AP1G2: variants seen among roughly 807,000 people sequenced by gnomAD.
The protein encoded by AP1G2 is adaptor related protein complex 1 subunit gamma 2, also known as AP-1 complex subunit gamma-like 2.
A neutral mutation model predicts 95.8 loss-of-function variants in AP1G2; 85 were observed. That is an observed-to-expected ratio of 0.89 (90% CI 0.74 to 1.06). The LOEUF is 1.06. Among genes scored for constraint, AP1G2 ranks in the 50% least tolerant of loss-of-function variants. The pLI, the probability that AP1G2 is intolerant of heterozygous loss-of-function variation, is 0.00. For missense variants in AP1G2, 967 were observed against 1,005.8 expected (o/e 0.96, Z 0.52); for synonymous variants, 378 against 400.0 (o/e 0.94, Z 0.66).
chr14:23,563,345 G>A (rs1357135395), intron 14 of AP1G2, 35 bp downstream of exon 14: 2 of 1,560,572 alleles, frequency 1.3e-6, no homozygotes, highest in Non-Finnish European at 8.7e-7. Flanking sequence ...GGGAGTGGTT[G>A]GGCAGCCCTG....
chr14:23,563,080 A>G, intron 14 of AP1G2: 1 of 1,303,576 alleles, frequency 7.7e-7, no homozygotes, highest in Admixed American at 3.7e-5. Flanking sequence ...TCAGCATTCA[A>G]GGTAATAATA....
rs748934676 is a variant in AP1G2 at position 23,562,285 on chromosome 14, T to C, written c.1628+3A>G. On this transcript the variant is annotated splice_donor_region_variant and intron_variant, in intron 16 of 21. Coordinates refer to ENST00000397120, the MANE Select transcript of AP1G2 (RefSeq NM_003917.5). Reference sequence around the variant, plus strand: ...CTCTCAAGGGGCTGGGACCCCTTCTTACTTGTTGTCCCCACAGAGGCGAGT... The same window carrying C: ...CTCTCAAGGGGCTGGGACCCCTTCTCACTTGTTGTCCCCACAGAGGCGAGT... The C allele has an allele frequency of 1.9e-6, 3 of 1,613,864 alleles. No homozygotes were observed. The highest frequency in any genetic ancestry group is 2.5e-6 in the Non-Finnish European group (3 of 1,179,788).
rs749414403 is a variant in AP1G2, at chr14:23,566,047, G to C, written c.568+17C>G. The C allele has an allele frequency of 6.2e-7, 1 of 1,614,146 alleles. No homozygotes were observed. The highest frequency in any genetic ancestry group is 1.7e-5 in the Admixed American group (1 of 60,030). On this transcript the variant is annotated intron_variant, in intron 5 of 21. Transcript: ENST00000397120. ...CCATAGACCTGAAGCAAAGGATGGG[G>C]GGCCCCACAGCCTTACCATGGTGAC...
intron 5 of AP1G2, 47 bp from the exon 6 acceptor site, chr14:23,565,939 G>A (rs1188987744): frequency 6.2e-7 from 1 of 1,603,594 alleles, no homozygotes; most frequent in Non-Finnish European, 8.5e-7. Flanking sequence ...AGGGGCAAGA[G>A]AGTCTATTGC....
intron 8 of AP1G2, 130 bp downstream of exon 8, chr14:23,564,989 G>C: frequency 1.2e-6 from 1 of 866,228 alleles, no homozygotes; most frequent in Non-Finnish European, 1.9e-6. Flanking sequence ...CTTCTTCATG[G>C]AGTTCACTGT....
chr14:23,559,749 T>C lies in AP1G2; in HGVS notation c.2358A>G (p.Ter786=), dbSNP rs1883122288. ...AATTTCAGGCTGTGAGTGGAGACAG[T>C]TACTGCCACGATTCCACAGGCAAGT... ...VNNLPVESWQ[*] is the part of the protein sequence containing the mutation. Residue 786 remains the stop codon, a stop_retained_variant, in exon 22 of 22, where the codon TAA becomes TAG. Transcript: ENST00000397120. 6.2e-7 allele frequency: 1 copy of C among 1,613,962 alleles called. No individual in the cohort carries two copies.
Position 23,567,324 on chromosome 14 carries a change from C to G in AP1G2, c.-5-5G>C, listed in dbSNP as rs750932461. The G allele has an allele frequency of 1.2e-6, 2 of 1,611,502 alleles. No homozygotes were observed. The highest frequency in any genetic ancestry group is 1.7e-6 in the Non-Finnish European group (2 of 1,179,388). ...GCGAAGGCACCACCATCCTGACTGG[C>G]AGAGTCCGGGAGTGGAGAAACACTC... is the stretch of plus-strand genomic sequence containing the variant. On this transcript the variant is annotated splice_polypyrimidine_tract_variant and splice_region_variant and intron_variant, in intron 1 of 21. Transcript: ENST00000397120. This position sits in a 1 kb window ranked among gnomAD's most constrained non-coding sequence, Gnocchi z 5.3.
Position 23,566,306 on chromosome 14 carries a change from A to G in AP1G2, c.443T>C (p.Leu148Pro). The G allele has an allele frequency of 6.2e-7, 1 of 1,613,982 alleles. No individual in the cohort carries two copies. Among genetic ancestry groups the G allele is most frequent in the Non-Finnish European group, 8.5e-7 (1 of 1,179,998 alleles). ...CTTGCGCACGTAGGGACTGGGCTGC[A>G]GGAGCAGTTTCTCCACCTCTGGGGC... ...DLAPEVEKLL[L>P]QPSPYVRKKA... The change falls in exon 4 of 22, where the codon CTG (leucine) becomes CCG (proline). Residue 148 changes from leucine (L) to proline (P), a missense_variant. Leu to Pro is a moderately conservative substitution (Grantham distance 98). Coordinates refer to ENST00000397120, the MANE Select transcript of AP1G2 (RefSeq NM_003917.5).
chr14:23,562,446 G>A, intron 15 of AP1G2, 31 bp from the exon 16 acceptor site: 1 of 1,614,028 alleles, frequency 6.2e-7, no homozygotes, highest in Non-Finnish European at 8.5e-7. Context: ...AGTGGCCCTG[G>A]TGCAAGTCCT....
chr14:23,567,442 G>T lies in AP1G2; in HGVS notation c.-5-123C>A. The T allele has an allele frequency of 7.1e-7, 1 of 1,413,252 alleles. No individual in the cohort carries two copies. The highest frequency in any genetic ancestry group is 9.2e-7 in the Non-Finnish European group (1 of 1,090,964). The allele number at this position is 1,413,252 out of a possible 1,614,324, so 87.5% of individuals were successfully genotyped here. A position where few individuals can be genotyped will look rare whatever the true frequency, so the allele number is the denominator to read the frequency against. ...CCACAGGTACCCTAAAATTGCGCCC[G>T]CATTTTACCTTTCCCGAAGTGGGTC... On this transcript the variant is annotated intron_variant, in intron 1 of 21. Transcript: ENST00000397120. This position sits in a 1 kb window ranked among gnomAD's most constrained non-coding sequence, Gnocchi z 5.3.
Position 23,567,621 on chromosome 14 carries a change from C to G in AP1G2, c.-6+118G>C. On this transcript the variant is annotated intron_variant, in intron 1 of 21. Coordinates refer to ENST00000397120, the MANE Select transcript of AP1G2 (RefSeq NM_003917.5). This position sits in a 1 kb window ranked among gnomAD's most constrained non-coding sequence, Gnocchi z 5.3. ...CCTGGTACCCCATCCCTAGCTCAGCCATTGCTTTTTTTTCCACGACCCTCC... is the reference window on the plus strand; with the variant it reads ...CCTGGTACCCCATCCCTAGCTCAGCGATTGCTTTTTTTTCCACGACCCTCC... 8.6e-7 allele frequency: 1 copy of G among 1,161,666 alleles called. No homozygotes were observed. Among genetic ancestry groups the G allele is most frequent in the Non-Finnish European group, 1.1e-6 (1 of 941,104 alleles). The allele number at this position is 1,161,666 out of a possible 1,614,324, so 72.0% of individuals were successfully genotyped here.
At chr14:23,561,263 T>A (rs1884480830) in intron 19 of AP1G2, 33 bp downstream of exon 19, 1 of 1,515,192 alleles carries the variant, frequency 6.6e-7, no homozygotes, top group Admixed American at 2.3e-5. Flanking sequence ...CCACCTACCT[T>A]CTCTAAGACA....
Position 23,561,407 on chromosome 14 carries a change from C to A in AP1G2, c.1882G>T (p.Asp628Tyr), listed in dbSNP as rs757650487. 6.2e-7 allele frequency: 1 copy of A among 1,608,116 alleles called. No individual in the cohort carries two copies. Among genetic ancestry groups the A allele is most frequent in the Non-Finnish European group, 8.5e-7 (1 of 1,176,116 alleles). The change falls in exon 19 of 22, where the codon GAT (aspartate) becomes TAT (tyrosine). Residue 628 changes from aspartate to tyrosine, a missense_variant. By Grantham distance (160) the Asp-to-Tyr change is radical. Coordinates refer to ENST00000397120, the MANE Select transcript of AP1G2 (RefSeq NM_003917.5). ...TCCCCAGAAGCCCCATCCAGGAGAT[C>A]TAGCAGATCCAGGAGCTGTGAGGCC... ...PQASQLLDLL[D>Y]LLDGASGDVQ...
In AP1G2 at chr14:23,562,017, G is replaced by C. The variant is rs1285041848; in HGVS notation, c.1678C>G (p.Leu560Val). ...SIYGSCLDVE[L>V]QQRAVEYDTL... ...TCATACTCCACAGCCCGCTGCTGCA[G>C]CTCCACGTCCAAGCAGCTCCCGTAG... is the stretch of plus-strand genomic sequence containing the variant. Residue 560 changes from leucine (L) to valine (V), a missense_variant, in exon 17 of 22, where the codon CTG becomes GTG. Coordinates refer to ENST00000397120, the MANE Select transcript of AP1G2 (RefSeq NM_003917.5). 1 of 1,613,696 alleles carries C rather than the reference G, an allele frequency of 6.2e-7. No homozygotes were observed.
rs375342797 is a variant in AP1G2 at position 23,564,156 on chromosome 14, A to G, written c.981T>C (p.Tyr327=). Reference sequence around the variant, plus strand: ...GTCGAAGCAGTGATGTCAGGGCTACATACCTGGTCAGGATGGGGGAGGTTC... The same window carrying G: ...GTCGAAGCAGTGATGTCAGGGCTACGTACCTGGTCAGGATGGGGGAGGTTC... The part of the protein sequence containing the change: ...FLLNSDRNIR[Y]VALTSLLRLV... The change falls in exon 11 of 22, where the codon TAT becomes TAC. Residue 327 remains tyrosine, a synonymous_variant. Transcript: ENST00000397120. 8.1e-6 allele frequency: 13 copies of G among 1,613,848 alleles called. No individual in the cohort carries two copies. The African/African-American group carries it at 1.2e-4, about 15-fold the overall frequency.
chr14:23,561,592 G>GGCCA lies in AP1G2; in HGVS notation c.1773_1776dup (p.Pro593TrpfsTer5), dbSNP rs762392591. On this transcript the variant is annotated frameshift_variant, in exon 18 of 22. Coordinates refer to ENST00000397120, the MANE Select transcript of AP1G2 (RefSeq NM_003917.5). LOFTEE classifies it high-confidence loss of function. ...TCCTTTGCTTCCTCATCAGCCTGAG[G>GGCCA]GCCATCTCGCTCCACAAGAGGCATT... 1.1e-4 allele frequency: 183 copies of GGCCA among 1,613,978 alleles called. No individual in the cohort carries two copies. The highest frequency in any genetic ancestry group is 5.6e-5 in the Non-Finnish European group (66 of 1,180,026).
rs750932461 is a variant in AP1G2, at chr14:23,567,324, C to T, written c.-5-5G>A. On this transcript the variant is annotated splice_polypyrimidine_tract_variant and splice_region_variant and intron_variant, in intron 1 of 21. Transcript: ENST00000397120. This position sits in a 1 kb window ranked among gnomAD's most constrained non-coding sequence, Gnocchi z 5.3. The stretch of plus-strand genomic sequence containing the variant: ...GCGAAGGCACCACCATCCTGACTGG[C>T]AGAGTCCGGGAGTGGAGAAACACTC... 1.9e-6 allele frequency: 3 copies of T among 1,611,502 alleles called. No individual in the cohort carries two copies. The highest frequency in any genetic ancestry group is 2.2e-5 in the South Asian group (2 of 90,814).
chr14:23,567,747 T>C lies in AP1G2; in HGVS notation c.-14A>G. ...CAGGACTCCAGCCTCACCTGGCTTCTGCCTCAACTCCGCTCCTCTGCCCCC... is the reference window on the plus strand; with the variant it reads ...CAGGACTCCAGCCTCACCTGGCTTCCGCCTCAACTCCGCTCCTCTGCCCCC... On this transcript the variant is annotated 5_prime_UTR_variant, in exon 1 of 22. Coordinates refer to ENST00000397120, the MANE Select transcript of AP1G2 (RefSeq NM_003917.5). The surrounding 1 kb of genome is among the most constrained non-coding windows in gnomAD (Gnocchi z 5.3). 4.9e-6 allele frequency: 5 copies of C among 1,013,370 alleles called. No homozygotes were observed. The highest frequency in any genetic ancestry group is 5.9e-6 in the Non-Finnish European group (5 of 847,560). The allele number at this position is 1,013,370 out of a possible 1,614,324, so 62.8% of individuals were successfully genotyped here.
At chr14:23,562,255 G>C in intron 16 of AP1G2, 33 bp downstream of exon 16, 1 of 1,612,260 alleles carries the variant, frequency 6.2e-7, no homozygotes, top group South Asian at 1.1e-5. Flanking sequence ...CCAGTGACAG[G>C]CCATCTCTCA....
Sources: allele counts gnomAD v4.1 joint callset, GRCh38; gene constraint gnomAD v4.1.1; non-coding constraint Gnocchi (gnomAD v3.1); transcripts MANE v1.5; gene names NCBI Gene and HGNC (gene_info 2026-07-23, HGNC 2026-07-21).